Variants in NR3C2 observed in about 807,000 individuals in gnomAD.
NR3C2 encodes the protein nuclear receptor subfamily 3 group C member 2, also known as mineralocorticoid receptor.
NR3C2 carries 15 observed loss-of-function variants against 86.4 expected under a neutral mutation model. That is an observed-to-expected ratio of 0.17 (90% confidence interval 0.12 to 0.27). The LOEUF (loss-of-function observed/expected upper bound fraction) is 0.27. Ranked by LOEUF, NR3C2 falls within the 10% of genes least tolerant of loss-of-function variation. The probability of loss-of-function intolerance (pLI) is 1.00; values close to 1 mark genes in which losing one functional copy is unlikely to be tolerated. For missense variants in NR3C2, 960 were observed against 1,195.6 expected (o/e 0.80, Z 2.91); for synonymous variants, 458 against 450.5 (o/e 1.02, Z -0.21).
At chr4:148,423,126 A>G (rs1579281217) in intron 2 of NR3C2, among the ~76,000 whole-genome samples, 1 of 152,012 alleles carries the variant, frequency 6.6e-6, no homozygotes, top group East Asian at 1.9e-4. Flanking sequence ...TGCCTAAATT[A>G]CCAATATGAC....
chr4:148,147,799 T>C (rs1421912697), intron 6 of NR3C2, among the ~76,000 whole-genome samples: 1 of 152,148 alleles, frequency 6.6e-6, no homozygotes, highest in Non-Finnish European at 1.5e-5. Context: ...AGCGAAAGCA[T>C]ATAGAACATG....
At chr4:148,112,068 G>A (rs778120538) in intron 8 of NR3C2, among the ~76,000 whole-genome samples, 21 of 151,904 alleles carry the variant, frequency 1.4e-4, no homozygotes, top group African/African-American at 4.4e-4. Context: ...TGATACAGCC[G>A]TTCAAAAAAC....
intron 4 of NR3C2, among the ~76,000 whole-genome samples, chr4:148,193,411 A>C (rs1560970763): frequency 6.6e-6 from 1 of 152,180 alleles, no homozygotes; most frequent in African/African-American, 2.4e-5. Context: ...TTGTTCTTGC[A>C]GTGGATCTGG....
rs1293404841 is a variant in NR3C2, at chr4:148,394,682, A to G, written c.1757+40422T>C. 5.3e-4 allele frequency among the ~76,000 whole-genome samples: 80 copies of G among 152,166 alleles called. 2 individuals carry two copies. The highest frequency in any genetic ancestry group is 2.9e-5 in the Non-Finnish European group (2 of 68,024). ...ACTTCGACCTCAGGGACAGAGCAAGACCCTCAAAAAATAAAAATTAAAAAC... is the reference window on the plus strand; with the variant it reads ...ACTTCGACCTCAGGGACAGAGCAAGGCCCTCAAAAAATAAAAATTAAAAAC... On this transcript the variant is annotated intron_variant, in intron 2 of 8. Transcript: ENST00000358102.
chr4:148,304,922 C>A (rs947933011), intron 2 of NR3C2, among the ~76,000 whole-genome samples: 1 of 140,334 alleles, frequency 7.1e-6, no homozygotes, highest in South Asian at 2.2e-4. Flanking sequence ...TGAGAGATTT[C>A]TTTTAATAAA....
chr4:148,289,423 C>A (rs1164861691), intron 2 of NR3C2, among the ~76,000 whole-genome samples: 1 of 152,136 alleles, frequency 6.6e-6, no homozygotes, highest in Non-Finnish European at 1.5e-5. Context: ...ATGCTCAATA[C>A]CTCTTGGCAT....
chr4:148,411,843 A>G lies in NR3C2; in HGVS notation c.1757+23261T>C, dbSNP rs1390708356. On this transcript the variant is annotated intron_variant, in intron 2 of 8. Coordinates refer to ENST00000358102, the MANE Select transcript of NR3C2 (RefSeq NM_000901.5). ...TTTCCTTTATCTTGCTTCCTCTGCA[A>G]CACATACCAAGATGAAGGAACTCCA... Among the ~76,000 whole-genome samples, 6 of 152,332 alleles carry G rather than the reference A, an allele frequency of 3.9e-5. No homozygotes were observed. The South Asian group carries it at 6.2e-4, about 16-fold the overall frequency.
At chr4:148,205,639 T>C (rs1226112336) in intron 3 of NR3C2, among the ~76,000 whole-genome samples, 2 of 152,208 alleles carry the variant, frequency 1.3e-5, no homozygotes, top group Admixed American at 1.3e-4. Context: ...GAATAAGAGA[T>C]CCCTGTCCTT....
intron 2 of NR3C2, among the ~76,000 whole-genome samples, chr4:148,412,595 TTAGG>T (rs1748761350): frequency 6.6e-6 from 1 of 152,158 alleles, no homozygotes; most frequent in Non-Finnish European, 1.5e-5. Flanking sequence ...CCTTCCTTTA[TTAGG>T]AACAAAAATT....
At chr4:148,174,801 AC>A (rs1735295098) in intron 4 of NR3C2, among the ~76,000 whole-genome samples, 1 of 151,604 alleles carries the variant, frequency 6.6e-6, no homozygotes, top group African/African-American at 2.4e-5. Flanking sequence ...ACTGTTCCCC[AC>A]TCTTGACTTC....
intron 2 of NR3C2, among the ~76,000 whole-genome samples, chr4:148,419,359 C>G (rs1385086500): frequency 6.6e-6 from 1 of 152,208 alleles, no homozygotes; most frequent in South Asian, 2.1e-4. Context: ...GCCCACGAAT[C>G]TTCTGAAGCT....
At chr4:148,187,019 T>TAAAGAAACTGTG (rs1447842891) in intron 4 of NR3C2, among the ~76,000 whole-genome samples, 20 of 108,500 alleles carry the variant, frequency 1.8e-4, no homozygotes, top group African/African-American at 6.9e-4. Context: ...TATATATATA[T>TAAAGAAACTGTG]ATATATATAT....
intron 8 of NR3C2, among the ~76,000 whole-genome samples, chr4:148,112,864 C>G (rs1350166890): frequency 1.3e-5 from 2 of 152,098 alleles, no homozygotes; most frequent in Non-Finnish European, 2.9e-5. Context: ...CATTATAATA[C>G]TGGTCATCAA....
At chr4:148,199,995 G>A (rs184672380) in intron 3 of NR3C2, among the ~76,000 whole-genome samples, 1 of 152,216 alleles carries the variant, frequency 6.6e-6, no homozygotes, top group South Asian at 2.1e-4. Flanking sequence ...TCTGGCATAA[G>A]CCTTAAGGAA....
chr4:148,257,215 C>A (rs28498606), intron 3 of NR3C2, among the ~76,000 whole-genome samples: 2,223 of 152,224 alleles, frequency 0.015, 46 homozygotes, highest in African/African-American at 0.05. Flanking sequence ...CATTGGAAAA[C>A]AAACTTAGTA....
At chr4:148,164,183 G>C (rs1255823667) in intron 4 of NR3C2, among the ~76,000 whole-genome samples, 1 of 152,158 alleles carries the variant, frequency 6.6e-6, no homozygotes, top group African/African-American at 2.4e-5. Flanking sequence ...TTATTTTACT[G>C]TTACAGACAG....
chr4:148,134,580 AG>A (rs1344200099), intron 6 of NR3C2, among the ~76,000 whole-genome samples: 1 of 140,146 alleles, frequency 7.1e-6, no homozygotes, highest in Non-Finnish European at 1.5e-5. Flanking sequence ...GCTTAGAAGC[AG>A]TGAGTGTTAA....
At chr4:148,401,322 G>T (rs1384299653) in intron 2 of NR3C2, among the ~76,000 whole-genome samples, 4 of 152,140 alleles carry the variant, frequency 2.6e-5, no homozygotes, top group Admixed American at 1.3e-4. Context: ...CTAGCAGAAG[G>T]TCTGTTTTGT....
chr4:148,107,340 G>T (rs369363737), intron 8 of NR3C2, among the ~76,000 whole-genome samples: 2 of 152,158 alleles, frequency 1.3e-5, no homozygotes, highest in South Asian at 4.1e-4. Context: ...AAAAAGTCAG[G>T]AAACAATAAA....
Sources: allele counts gnomAD v4.1 joint callset (sites outside exome capture counted in the v4.1 genomes callset), GRCh38; gene constraint gnomAD v4.1.1; transcripts MANE v1.5; gene names NCBI Gene and HGNC (gene_info 2026-07-23, HGNC 2026-07-21).